PDE10A: variants seen among roughly 807,000 people sequenced by gnomAD.
PDE10A encodes cAMP and cAMP-inhibited cGMP 3',5'-cyclic phosphodiesterase 10A.
PDE10A carries 39 observed loss-of-function variants against 97.7 expected under a neutral mutation model. That is an observed-to-expected ratio of 0.40 (90% CI 0.31 to 0.52). PDE10A has a LOEUF of 0.52. PDE10A is among the 20% of genes least tolerant of loss of function. The pLI is 0.56. For synonymous variants in PDE10A, 371 were observed against 376.8 expected (o/e 0.98, Z 0.18); for missense variants, 731 against 1,047.8 (o/e 0.70, Z 4.17).
intron 1 of PDE10A, among the ~76,000 whole-genome samples, chr6:165,825,406 C>G (rs927495184): frequency 6.6e-6 from 1 of 152,146 alleles, no homozygotes; most frequent in Admixed American, 6.5e-5. Context: ...ATCACTCATG[C>G]TAGCAGGCCT....
chr6:165,596,768 ACT>A (rs1232529470), intron 1 of PDE10A, among the ~76,000 whole-genome samples: 1 of 151,906 alleles, frequency 6.6e-6, no homozygotes, highest in Non-Finnish European at 1.5e-5. Context: ...AAACAAACAA[ACT>A]CTTCAGTTTC....
intron 1 of PDE10A, among the ~76,000 whole-genome samples, chr6:165,589,434 ATTTC>A (rs1440997135): frequency 1.3e-5 from 2 of 152,356 alleles, no homozygotes; most frequent in East Asian, 1.9e-4. Flanking sequence ...AAAATGTTTT[ATTTC>A]TTTATTATTT....
At chr6:165,833,209 A>C (rs536936236) in intron 1 of PDE10A, among the ~76,000 whole-genome samples, 1 of 152,362 alleles carries the variant, frequency 6.6e-6, no homozygotes, top group Non-Finnish European at 1.5e-5. Context: ...AAAGAAATAC[A>C]GGAGGTTTTT....
At chr6:165,537,989 G>C (rs1410023666) in intron 2 of PDE10A, among the ~76,000 whole-genome samples, 1 of 151,722 alleles carries the variant, frequency 6.6e-6, no homozygotes, top group African/African-American at 2.4e-5. Flanking sequence ...GAATGTTTTG[G>C]CAAAGTAATT....
intron 2 of PDE10A, among the ~76,000 whole-genome samples, chr6:165,488,744 T>C (rs1780059734): frequency 6.6e-6 from 1 of 152,102 alleles, no homozygotes; most frequent in South Asian, 2.1e-4. Context: ...ACTCAGTGTG[T>C]TGCGGGGCAT....
chr6:165,374,102 GA>G (rs1186398236), intron 18 of PDE10A, among the ~76,000 whole-genome samples: 1 of 107,126 alleles, frequency 9.3e-6, no homozygotes, highest in Non-Finnish European at 1.8e-5. Flanking sequence ...AGGGGGGAGG[GA>G]TAGCATTAGG....
intron 2 of PDE10A, among the ~76,000 whole-genome samples, chr6:165,497,073 C>T (rs886104787): frequency 2.0e-5 from 3 of 151,962 alleles, no homozygotes; most frequent in South Asian, 2.1e-4. Flanking sequence ...TAACTACATA[C>T]TTGTGATATT....
chr6:165,457,702 A>T (rs1020538358), intron 3 of PDE10A, among the ~76,000 whole-genome samples: 1 of 152,232 alleles, frequency 6.6e-6, no homozygotes, highest in Non-Finnish European at 1.5e-5. Flanking sequence ...CAGTTTGGGA[A>T]CCAGGGGAAA....
intron 1 of PDE10A, among the ~76,000 whole-genome samples, chr6:165,919,760 A>G (rs545592314): frequency 4.5e-4 from 69 of 152,314 alleles, no homozygotes; most frequent in African/African-American, 1.6e-3. Flanking sequence ...TTTAAGAGCT[A>G]TAATTATTTA....
At chr6:165,910,559 G>A (rs527555485) in intron 1 of PDE10A, among the ~76,000 whole-genome samples, 122 of 152,260 alleles carry the variant, frequency 8.0e-4, no homozygotes, top group South Asian at 4.4e-3. Flanking sequence ...GGTGTTAAAA[G>A]CAAGAGATTT....
intron 21 of PDE10A, among the ~76,000 whole-genome samples, chr6:165,333,433 G>A (rs1402206851): frequency 6.6e-6 from 1 of 152,170 alleles, no homozygotes; most frequent in Non-Finnish European, 1.5e-5. Flanking sequence ...AACAGGGAAA[G>A]AGCCCTAGGG....
At chr6:165,729,951 T>C (rs2128450720) in intron 1 of PDE10A, among the ~76,000 whole-genome samples, 1 of 152,316 alleles carries the variant, frequency 6.6e-6, no homozygotes, top group South Asian at 2.1e-4. Flanking sequence ...ACGGAAAGAC[T>C]TCCATATATT....
intron 2 of PDE10A, among the ~76,000 whole-genome samples, chr6:165,514,784 G>A (rs1025596802): frequency 6.6e-6 from 1 of 152,198 alleles, no homozygotes; most frequent in Non-Finnish European, 1.5e-5. Flanking sequence ...AGTAGCTCCA[G>A]GCCATAACAC....
chr6:165,815,620 A>T (rs1779388222), intron 1 of PDE10A, among the ~76,000 whole-genome samples: 1 of 152,012 alleles, frequency 6.6e-6, no homozygotes, highest in South Asian at 2.1e-4. Flanking sequence ...AGAAGAGAAA[A>T]CCTGAAAGAC....
intron 1 of PDE10A, among the ~76,000 whole-genome samples, chr6:165,886,280 C>T (rs1408339447): frequency 6.7e-6 from 1 of 149,912 alleles, no homozygotes; most frequent in Non-Finnish European, 1.5e-5. Flanking sequence ...ACCCCTGGGC[C>T]CTGGAGTCCT....
At chr6:165,968,849 AG>A (rs1389796156) in intron 1 of PDE10A, among the ~76,000 whole-genome samples, 1 of 152,248 alleles carries the variant, frequency 6.6e-6, no homozygotes, top group Non-Finnish European at 1.5e-5. Flanking sequence ...CAGAGCCTGT[AG>A]GGCCCCACTG....
intron 9 of PDE10A, 131 bp downstream of exon 9, chr6:165,430,156 T>C (rs2128237233): frequency 1.6e-6 from 1 of 641,700 alleles, no homozygotes; most frequent in East Asian, 2.6e-5. Flanking sequence ...GATTAACCGT[T>C]CCCAGACTAC....
At chr6:165,905,439 A>G (rs1034623494) in intron 1 of PDE10A, among the ~76,000 whole-genome samples, 2 of 152,168 alleles carry the variant, frequency 1.3e-5, no homozygotes, top group Non-Finnish European at 2.9e-5. Flanking sequence ...TTTCTTTAAT[A>G]ATCATTAAGA....
intron 1 of PDE10A, among the ~76,000 whole-genome samples, chr6:165,544,438 G>A (rs1050441947): frequency 1.3e-5 from 2 of 152,046 alleles, no homozygotes; most frequent in Non-Finnish European, 2.9e-5. Flanking sequence ...CTTTGTGTTG[G>A]TATGCCATTT....
Sources: gnomAD v4.1 joint callset for allele counts (sites outside exome capture counted in the v4.1 genomes callset) on GRCh38, gnomAD v4.1.1 for gene constraint, MANE v1.5 for transcripts, NCBI Gene and HGNC (gene_info 2026-07-23, HGNC 2026-07-21) for gene names.